NRXN3: variants seen among roughly 807,000 people sequenced by gnomAD.
NRXN3 encodes neurexin III.
In NRXN3, 32 loss-of-function variants were observed where a neutral mutation model predicts 137.6. That is an observed-to-expected ratio of 0.23 (90% CI 0.18 to 0.31). The LOEUF is 0.31. Ranked by LOEUF, NRXN3 falls within the 10% of genes least tolerant of loss-of-function variation. The pLI is 1.00. For synonymous variants in NRXN3, 798 were observed against 784.5 expected (o/e 1.02, Z -0.29); for missense variants, 1,574 against 2,062.5 (o/e 0.76, Z 4.59).
In NRXN3 at chr14:78,250,946, C is replaced by CAGAGAG. The variant is rs142667374; in HGVS notation, c.709+7165_709+7170dup. The stretch of plus-strand genomic sequence containing the variant: ...TCTCAGGGGCTTTGTTCCTTCTAGC[C>CAGAGAG]AGAGAGAGAGAGAGAGAGAGAGAGA... On this transcript the variant is annotated intron_variant, in intron 2 of 20. Transcript: ENST00000335750. Among the ~76,000 whole-genome samples the CAGAGAG allele has an allele frequency of 3.0e-3, 442 of 147,652 alleles. 1 individual carries two copies. The highest frequency in any genetic ancestry group is 9.8e-3 in the African/African-American group (396 of 40,222).
intron 4 of NRXN3, among the ~76,000 whole-genome samples, chr14:78,310,008 A>G (rs1210342637): frequency 6.6e-6 from 1 of 152,154 alleles, no homozygotes; most frequent in Non-Finnish European, 1.5e-5. Flanking sequence ...TTTTAAAGAT[A>G]CTAGTCTGGT....
At chr14:79,533,441 T>C (rs2097186419) in intron 16 of NRXN3, among the ~76,000 whole-genome samples, 1 of 152,200 alleles carries the variant, frequency 6.6e-6, no homozygotes, top group Admixed American at 6.5e-5. Context: ...CCGACAGTTA[T>C]GTACAAGAGG....
intron 10 of NRXN3, among the ~76,000 whole-genome samples, chr14:78,851,816 T>C (rs1201121178): frequency 1.3e-5 from 2 of 152,200 alleles, no homozygotes; most frequent in East Asian, 3.9e-4. Flanking sequence ...GGCAGAACTG[T>C]ATTTTAAATA....
intron 4 of NRXN3, among the ~76,000 whole-genome samples, chr14:78,640,140 C>T (rs2097607620): frequency 6.6e-6 from 1 of 152,150 alleles, no homozygotes; most frequent in Non-Finnish European, 1.5e-5. Context: ...CTTGCTGTGC[C>T]TCTGCCTCTC....
chr14:79,341,890 T>G (rs998002194), intron 15 of NRXN3, among the ~76,000 whole-genome samples: 13 of 152,182 alleles, frequency 8.5e-5, no homozygotes, highest in Admixed American at 6.5e-4. Context: ...CCGTGATCAA[T>G]TGCAAGTCAG....
At chr14:78,237,894 C>G (rs1001646748) in intron 1 of NRXN3, among the ~76,000 whole-genome samples, 2 of 152,120 alleles carry the variant, frequency 1.3e-5, no homozygotes, top group Admixed American at 1.3e-4. Context: ...CCTGGTAAGC[C>G]CCACCTGGGG....
intron 4 of NRXN3, among the ~76,000 whole-genome samples, chr14:78,553,968 T>A (rs992820194): frequency 4.6e-5 from 7 of 152,002 alleles, no homozygotes; most frequent in Non-Finnish European, 8.8e-5. Context: ...TAACACTTTT[T>A]AAAAAAGAAC....
At chr14:79,322,461 C>T (rs2090189223) in intron 15 of NRXN3, among the ~76,000 whole-genome samples, 1 of 152,154 alleles carries the variant, frequency 6.6e-6, no homozygotes, top group Non-Finnish European at 1.5e-5. Flanking sequence ...TTCTTGAAGA[C>T]CTCCTCTATG....
chr14:78,921,706 AC>A (rs2152824632), intron 10 of NRXN3, among the ~76,000 whole-genome samples: 1 of 152,324 alleles, frequency 6.6e-6, no homozygotes, highest in South Asian at 2.1e-4. Flanking sequence ...CAGCTCATGG[AC>A]AAAAATACAT....
chr14:79,626,160 G>A (rs1315285721), intron 16 of NRXN3, among the ~76,000 whole-genome samples: 3 of 152,122 alleles, frequency 2.0e-5, no homozygotes, highest in Non-Finnish European at 4.4e-5. Context: ...TTGAATGAAT[G>A]TACAAGTGAG....
chr14:78,927,150 C>CTCTTGAGG (rs546385554), intron 10 of NRXN3, among the ~76,000 whole-genome samples: 2 of 111,724 alleles, frequency 1.8e-5, no homozygotes, highest in African/African-American at 6.8e-5. Flanking sequence ...GTGAGACCCT[C>CTCTTGAGG]AAAAAAAAAA....
At chr14:79,381,844 T>C (rs1211255573) in intron 15 of NRXN3, among the ~76,000 whole-genome samples, 1 of 152,172 alleles carries the variant, frequency 6.6e-6, no homozygotes, top group Non-Finnish European at 1.5e-5. Context: ...AGCAAATGGT[T>C]TCTCCATGAT....
chr14:78,679,709 A>G (rs1163619599), intron 6 of NRXN3, among the ~76,000 whole-genome samples: 1 of 152,174 alleles, frequency 6.6e-6, no homozygotes, highest in East Asian at 1.9e-4. Flanking sequence ...AAGGATGGAA[A>G]CGTTGAGATC....
At chr14:78,237,738 A>G (rs536797603) in intron 1 of NRXN3, among the ~76,000 whole-genome samples, 2 of 152,322 alleles carry the variant, frequency 1.3e-5, no homozygotes, top group South Asian at 4.1e-4. Flanking sequence ...ACCTTGAATG[A>G]CACAGAACGA....
At chr14:79,070,288 A>AG (rs991563981) in intron 15 of NRXN3, among the ~76,000 whole-genome samples, 12 of 152,306 alleles carry the variant, frequency 7.9e-5, no homozygotes, top group Admixed American at 5.9e-4. Flanking sequence ...GGTAAAAGGA[A>AG]GGGGTGAGAG....
intron 8 of NRXN3, among the ~76,000 whole-genome samples, chr14:78,780,973 A>G (rs1299134193): frequency 6.6e-6 from 1 of 152,216 alleles, no homozygotes; most frequent in Non-Finnish European, 1.5e-5. Context: ...GGCAATTTAC[A>G]TTGAGCTAGT....
At chr14:79,825,964 T>G (rs1417235947) in intron 20 of NRXN3, among the ~76,000 whole-genome samples, 2 of 151,804 alleles carry the variant, frequency 1.3e-5, no homozygotes, top group Admixed American at 6.6e-5. Flanking sequence ...GTGTCACATG[T>G]ACCCCAAATT....
intron 19 of NRXN3, among the ~76,000 whole-genome samples, chr14:79,746,269 G>A (rs369817906): frequency 1.3e-5 from 2 of 152,034 alleles, no homozygotes; most frequent in Admixed American, 6.6e-5. Flanking sequence ...TCTCTCTAGG[G>A]GACATGCCTA....
intron 15 of NRXN3, among the ~76,000 whole-genome samples, chr14:79,438,657 T>C (rs2095881568): frequency 6.6e-6 from 1 of 152,208 alleles, no homozygotes; most frequent in Admixed American, 6.5e-5. Context: ...CTTCTAGTTT[T>C]TACCTCCTCA....
Sources: allele counts gnomAD v4.1 joint callset (sites outside exome capture counted in the v4.1 genomes callset), GRCh38; gene constraint gnomAD v4.1.1; transcripts MANE v1.5; gene names NCBI Gene and HGNC (gene_info 2026-07-23, HGNC 2026-07-21).